Variants in ARB2A observed in about 807,000 individuals in gnomAD.
ARB2A encodes the protein cotranscriptional regulator ARB2A.
the ARB2A span, among the ~76,000 whole-genome samples, chr5:93,647,725 T>C: frequency 1.3e-5 from 2 of 152,188 alleles, no homozygotes; most frequent in South Asian, 2.1e-4. Flanking sequence ...GGTTTTGCCA[T>C]GTTGGCCAGG....
the ARB2A span, among the ~76,000 whole-genome samples, chr5:94,073,715 T>G: frequency 2.0e-5 from 3 of 152,092 alleles, no homozygotes; most frequent in Non-Finnish European, 2.9e-5. Context: ...TGTCCATTAT[T>G]CTGAGCGTGC....
the ARB2A span, chr5:93,861,941 G>A: frequency 6.6e-6 from 1 of 152,106 alleles, no homozygotes; most frequent in Non-Finnish European, 1.5e-5. Flanking sequence ...TTAGAAAGAG[G>A]CATACTCTTT....
At chr5:93,766,981 T>A in the ARB2A span, among the ~76,000 whole-genome samples, 2 of 143,512 alleles carry the variant, frequency 1.4e-5, no homozygotes, top group African/African-American at 5.2e-5. Context: ...TAGGTGGGCA[T>A]TGAACAATGA....
At chr5:93,822,746 TTAAGA>T in the ARB2A span, among the ~76,000 whole-genome samples, 1 of 152,008 alleles carries the variant, frequency 6.6e-6, no homozygotes, top group East Asian at 1.9e-4. Context: ...AAGAGCTATC[TTAAGA>T]TATCTATTAT....
At chr5:93,824,051 T>C in the ARB2A span, 1 of 1,018,242 alleles carries the variant, frequency 9.8e-7, no homozygotes. Flanking sequence ...TCCTTCTTTA[T>C]AACATAACTT....
At chr5:93,933,955 G>A in the ARB2A span, among the ~76,000 whole-genome samples, 1 of 151,982 alleles carries the variant, frequency 6.6e-6, no homozygotes, top group Non-Finnish European at 1.5e-5. Flanking sequence ...GCAGTGAGCC[G>A]AGATCACGCC....
the ARB2A span, among the ~76,000 whole-genome samples, chr5:93,915,115 A>G: frequency 6.6e-6 from 1 of 151,968 alleles, no homozygotes; most frequent in Non-Finnish European, 1.5e-5. Context: ...TTACAGAATT[A>G]GTAACTTTCT....
At chr5:93,980,948 C>T in the ARB2A span, among the ~76,000 whole-genome samples, 9 of 152,112 alleles carry the variant, frequency 5.9e-5, no homozygotes, top group Non-Finnish European at 1.3e-4. Flanking sequence ...TTAAGGCATA[C>T]CACCTTCATA....
the ARB2A span, among the ~76,000 whole-genome samples, chr5:94,041,462 T>C: frequency 6.6e-6 from 1 of 152,104 alleles, no homozygotes; most frequent in Non-Finnish European, 1.5e-5. Flanking sequence ...TGTCTCTCTG[T>C]GTATTTATAT....
the ARB2A span, among the ~76,000 whole-genome samples, chr5:93,680,990 A>G: frequency 1.3e-5 from 2 of 152,226 alleles, no homozygotes; most frequent in African/African-American, 4.8e-5. Context: ...ATAGGTACAC[A>G]ATGAACAAAG....
the ARB2A span, among the ~76,000 whole-genome samples, chr5:93,638,610 C>T: frequency 3.3e-5 from 5 of 150,386 alleles, no homozygotes; most frequent in South Asian, 2.1e-4. Context: ...GTTGGGAGTG[C>T]GAGACCAGCC....
chr5:93,794,642 A>T, the ARB2A span, among the ~76,000 whole-genome samples: 157 of 152,268 alleles, frequency 1.0e-3, no homozygotes, highest in African/African-American at 3.7e-3. Context: ...GCTTCCCCTA[A>T]GAATGGGGCT....
the ARB2A span, among the ~76,000 whole-genome samples, chr5:93,795,269 G>T: frequency 6.6e-6 from 1 of 152,136 alleles, no homozygotes; most frequent in Non-Finnish European, 1.5e-5. Context: ...CCGCTCCCAT[G>T]CGGCCCACAG....
the ARB2A span, among the ~76,000 whole-genome samples, chr5:93,966,742 G>A: frequency 1.3e-5 from 2 of 151,968 alleles, no homozygotes; most frequent in Non-Finnish European, 1.5e-5. Context: ...TAACTCTCAC[G>A]GTCTCATCCC....
At chr5:93,651,961 G>A in the ARB2A span, among the ~76,000 whole-genome samples, 1 of 151,948 alleles carries the variant, frequency 6.6e-6, no homozygotes, top group Non-Finnish European at 1.5e-5. Context: ...AATGACCTCA[G>A]AACAACGAAA....
the ARB2A span, among the ~76,000 whole-genome samples, chr5:93,810,403 G>C: frequency 6.6e-6 from 1 of 151,806 alleles, no homozygotes; most frequent in African/African-American, 2.4e-5. Context: ...ATAATGGTTT[G>C]GTTTTGTTTT....
the ARB2A span, among the ~76,000 whole-genome samples, chr5:93,847,271 CAA>C: frequency 4.6e-5 from 7 of 152,132 alleles, no homozygotes; most frequent in Non-Finnish European, 1.0e-4. Flanking sequence ...TGAAGTCTAG[CAA>C]AGCTAGATTT....
the ARB2A span, among the ~76,000 whole-genome samples, chr5:93,830,339 A>G: frequency 3.3e-4 from 47 of 140,906 alleles, 2 homozygotes; most frequent in Admixed American, 1.3e-3. Context: ...ATATATATAT[A>G]TATATATATA....
At chr5:93,831,230 G>A in the ARB2A span, among the ~76,000 whole-genome samples, 27 of 148,024 alleles carry the variant, frequency 1.8e-4, no homozygotes, top group African/African-American at 6.7e-4. Context: ...CCTTGTTCTA[G>A]TCTTTCCCTT....
Sources: allele counts gnomAD v4.1 joint callset (sites outside exome capture counted in the v4.1 genomes callset), GRCh38; gene constraint gnomAD v4.1.1; transcripts MANE v1.5; gene names NCBI Gene and HGNC (gene_info 2026-07-23, HGNC 2026-07-21).